The following TPTE variants were observed in gnomAD, a reference collection of about 807,000 sequenced individuals.
TPTE encodes the protein putative tyrosine-protein phosphatase TPTE.
Under a neutral mutation model 84.1 loss-of-function variants are expected in TPTE, and 59 were observed. The observed-to-expected ratio is 0.70, with a 90% CI of 0.57 to 0.87. The LOEUF is 0.87. TPTE is among the 40% of genes least tolerant of loss of function. The probability of loss-of-function intolerance (pLI) is 0.00; values close to 1 mark genes in which losing one functional copy is unlikely to be tolerated. For missense variants in TPTE, 382 were observed against 659.6 expected, an observed-to-expected ratio of 0.58 and a Z score of 4.61; for synonymous variants, 130 against 223.5, an observed-to-expected ratio of 0.58 and a Z score of 3.73.
intron 3 of TPTE, among the ~76,000 whole-genome samples, chr21:10,528,818 T>C (rs1421441984): frequency 2.0e-5 from 3 of 152,306 alleles, no homozygotes; most frequent in Non-Finnish European, 2.9e-5. Flanking sequence ...CTGTATACTT[T>C]ATGAGATGGC....
intron 20 of TPTE, among the ~76,000 whole-genome samples, chr21:10,596,990 G>A (rs1600981707): frequency 6.6e-6 from 1 of 152,310 alleles, no homozygotes; most frequent in Non-Finnish European, 1.5e-5. Flanking sequence ...CAGCATATGA[G>A]ATGAACAAAG....
intron 14 of TPTE, among the ~76,000 whole-genome samples, chr21:10,577,016 A>G (rs2075168988): frequency 6.6e-6 from 1 of 152,308 alleles, no homozygotes; most frequent in Non-Finnish European, 1.5e-5. Context: ...ACACACAATC[A>G]TACTATATGC....
intron 7 of TPTE, among the ~76,000 whole-genome samples, chr21:10,546,137 G>A (rs1436099976): frequency 3.3e-5 from 5 of 152,298 alleles, no homozygotes; most frequent in African/African-American, 4.8e-5. Context: ...TTCCAACAGC[G>A]TGTTCTCACT....
At chr21:10,558,979 TC>T (rs1322559859) in intron 8 of TPTE, among the ~76,000 whole-genome samples, 2 of 152,312 alleles carry the variant, frequency 1.3e-5, no homozygotes, top group Non-Finnish European at 2.9e-5. Context: ...CCTCTGAAGT[TC>T]GTTTGCAACC....
intron 14 of TPTE, 39 bp from the exon 15 acceptor site, chr21:10,577,421 G>T: frequency 6.2e-7 from 1 of 1,613,920 alleles, no homozygotes; most frequent in Admixed American, 1.7e-5. Context: ...TTATGTTGGT[G>T]CCATGTAAAT....
intron 17 of TPTE, among the ~76,000 whole-genome samples, chr21:10,586,314 AC>A (rs1319590280): frequency 6.6e-6 from 1 of 151,836 alleles, no homozygotes; most frequent in Non-Finnish European, 1.5e-5. Flanking sequence ...TTTTTTTTTG[AC>A]CCATGAGTTA....
intron 1 of TPTE, among the ~76,000 whole-genome samples, chr21:10,522,985 C>T (rs1459525160): frequency 2.6e-5 from 4 of 152,426 alleles, no homozygotes; most frequent in African/African-American, 9.6e-5. Flanking sequence ...GTTATGCCCC[C>T]AAGTCCTATC....
chr21:10,569,612 A>G lies in TPTE; in HGVS notation c.667-71A>G, dbSNP rs577134896. 36 of 1,613,694 alleles carry G rather than the reference A, an allele frequency of 2.2e-5. No individual in the cohort carries two copies. The African/African-American group carries it at 3.3e-4, about 15-fold the overall frequency. ...GACCCATTGACAAGGGTTGATATCTATACTGTATAATGTTTTTTATTTTTA... is the reference window on the plus strand; with the variant it reads ...GACCCATTGACAAGGGTTGATATCTGTACTGTATAATGTTTTTTATTTTTA... On this transcript the variant is annotated intron_variant, in intron 12 of 23. Transcript: ENST00000618007.
chr21:10,522,702 AC>A (rs1410065491), intron 1 of TPTE, among the ~76,000 whole-genome samples: 13 of 152,424 alleles, frequency 8.5e-5, no homozygotes, highest in African/African-American at 3.1e-4. Context: ...TTGTTTTCTT[AC>A]AATTGAAGTT....
intron 10 of TPTE, among the ~76,000 whole-genome samples, chr21:10,564,495 G>C (rs1288714904): frequency 6.6e-6 from 1 of 152,312 alleles, no homozygotes; most frequent in Admixed American, 6.5e-5. Flanking sequence ...GGGTGACAGA[G>C]TGAGATTCAG....
chr21:10,522,861 T>C (rs1486323222), intron 1 of TPTE, among the ~76,000 whole-genome samples: 3 of 152,306 alleles, frequency 2.0e-5, no homozygotes, highest in African/African-American at 7.2e-5. Flanking sequence ...ATTTACCATG[T>C]CTTTGATGTA....
chr21:10,532,099 T>C (rs1367687632), intron 3 of TPTE, among the ~76,000 whole-genome samples: 1 of 152,420 alleles, frequency 6.6e-6, no homozygotes, highest in Non-Finnish European at 1.5e-5. Context: ...TTGTAGTAAG[T>C]ATGTCAATAT....
At chr21:10,587,190 G>T (rs1171798450) in intron 17 of TPTE, among the ~76,000 whole-genome samples, 195 of 151,776 alleles carry the variant, frequency 1.3e-3, no homozygotes, top group African/African-American at 4.4e-3. Context: ...ATAGGCAAAA[G>T]ACTTTCTTTT....
At chr21:10,561,962 C>T (rs2074814259) in intron 10 of TPTE, among the ~76,000 whole-genome samples, 1 of 152,312 alleles carries the variant, frequency 6.6e-6, no homozygotes, top group East Asian at 1.9e-4. Flanking sequence ...CAGGTCTGAC[C>T]CAATGCAGTC....
At chr21:10,570,998 A>G (rs2075031586) in intron 14 of TPTE, among the ~76,000 whole-genome samples, 1 of 152,310 alleles carries the variant, frequency 6.6e-6, no homozygotes. Flanking sequence ...ACTGCTGCCA[A>G]CAGCCCCACC....
chr21:10,527,239 T>A (rs1352527542), intron 2 of TPTE, 116 bp from the exon 3 acceptor site: 1 of 152,740 alleles, frequency 6.5e-6, no homozygotes, highest in Non-Finnish European at 1.5e-5. Flanking sequence ...TTAGTTCTTG[T>A]CAAAATTCCT....
intron 3 of TPTE, among the ~76,000 whole-genome samples, chr21:10,535,494 A>AT (rs574208914): frequency 0.02 from 3,059 of 150,534 alleles, no homozygotes; most frequent in South Asian, 0.029. Flanking sequence ...ATAACCTTCT[A>AT]TTTTTTTTTT....
At chr21:10,540,610 T>C (rs1488704528) in intron 4 of TPTE, 7 of 517,458 alleles carry the variant, frequency 1.4e-5, no homozygotes, top group Non-Finnish European at 2.7e-5. Context: ...TTTCACCCCC[T>C]CCAGAGCTCT....
intron 3 of TPTE, among the ~76,000 whole-genome samples, chr21:10,536,593 GAGAAA>G (rs1052978862): frequency 1.3e-5 from 2 of 151,996 alleles, no homozygotes; most frequent in African/African-American, 2.4e-5. Context: ...GGGAGAGAAA[GAGAAA>G]AGAGAGAGAG....
Sources: gnomAD v4.1 joint callset for allele counts (sites outside exome capture counted in the v4.1 genomes callset) on GRCh38, gnomAD v4.1.1 for gene constraint, MANE v1.5 for transcripts, NCBI Gene and HGNC (gene_info 2026-07-23, HGNC 2026-07-21) for gene names.